The following SLC25A26 variants were observed in gnomAD, a reference collection of about 807,000 sequenced individuals.
The protein encoded by SLC25A26 is mitochondrial S-adenosylmethionine carrier protein.
In SLC25A26, 36 loss-of-function variants were observed where a neutral mutation model predicts 37.8. That is an observed-to-expected ratio of 0.95 (90% CI 0.73 to 1.26). SLC25A26 has a LOEUF of 1.26. Among genes scored for constraint, SLC25A26 ranks in the 50% most tolerant of loss-of-function variants. The pLI is 0.00. For synonymous variants in SLC25A26, 129 were observed against 122.5 expected, an observed-to-expected ratio of 1.05 and a Z score of -0.35; for missense variants, 390 against 331.1, an observed-to-expected ratio of 1.18 and a Z score of -1.38.
intron 1 of SLC25A26, 38 bp downstream of exon 1, chr3:66,221,165 C>A: frequency 6.7e-7 from 1 of 1,498,806 alleles, no homozygotes; most frequent in Non-Finnish European, 8.8e-7. Flanking sequence ...CTCAGAGTGC[C>A]GGCGTCCGGC....
intron 5 of SLC25A26, chr3:66,304,331 A>G: frequency 2.4e-6 from 1 of 420,928 alleles, no homozygotes; most frequent in Non-Finnish European, 4.7e-6. Flanking sequence ...TCTTGATTTA[A>G]AAAGATTCTG....
At chr3:66,376,144 C>T (rs915330528) in intron 9 of SLC25A26, among the ~76,000 whole-genome samples, 3 of 151,288 alleles carry the variant, frequency 2.0e-5, no homozygotes, top group Non-Finnish European at 4.4e-5. Flanking sequence ...CAAACTTGAA[C>T]GGATGAGGAG....
At chr3:66,271,122 T>C (rs988689936) in intron 5 of SLC25A26, among the ~76,000 whole-genome samples, 2 of 152,182 alleles carry the variant, frequency 1.3e-5, no homozygotes, top group Non-Finnish European at 2.9e-5. Context: ...GTTGTGACCA[T>C]AAACCATAGT....
At chr3:66,363,519 A>G (rs892177699) in intron 7 of SLC25A26, among the ~76,000 whole-genome samples, 1 of 152,242 alleles carries the variant, frequency 6.6e-6, no homozygotes, top group Admixed American at 6.5e-5. Flanking sequence ...TCACTAAGTC[A>G]TATGAATTTT....
chr3:66,164,980 C>G (rs2070406555), intron 1 of SLC25A26, among the ~76,000 whole-genome samples: 2 of 152,198 alleles, frequency 1.3e-5, no homozygotes, highest in African/African-American at 4.8e-5. Context: ...ATCCATGCCT[C>G]TAGCATTCAT....
At chr3:66,348,290 CAAG>C (rs879290808) in intron 6 of SLC25A26, among the ~76,000 whole-genome samples, 28 of 152,222 alleles carry the variant, frequency 1.8e-4, no homozygotes, top group African/African-American at 6.5e-4. Context: ...AGACCATAAT[CAAG>C]AAGAATATAG....
chr3:66,368,283 G>T (rs544438863), intron 7 of SLC25A26, among the ~76,000 whole-genome samples: 13 of 152,226 alleles, frequency 8.5e-5, no homozygotes, highest in South Asian at 6.2e-4. Flanking sequence ...TGCCTTTTAG[G>T]ATTTTTATTA....
At chr3:66,346,900 G>T (rs2076339016) in intron 6 of SLC25A26, among the ~76,000 whole-genome samples, 1 of 152,086 alleles carries the variant, frequency 6.6e-6, no homozygotes, top group Non-Finnish European at 1.5e-5. Flanking sequence ...GGGTCTTAGG[G>T]CTCTGACTGT....
upstream of SLC25A26, among the ~76,000 whole-genome samples, chr3:66,219,262 C>T (rs1042668743): frequency 3.3e-5 from 5 of 152,146 alleles, no homozygotes; most frequent in African/African-American, 1.2e-4. Flanking sequence ...TCTAAGGTGG[C>T]CCTCAAGATT....
intron 3 of SLC25A26, 109 bp downstream of exon 3, chr3:66,243,421 C>T (rs2072680674): frequency 5.2e-6 from 3 of 572,764 alleles, no homozygotes; most frequent in Admixed American, 3.2e-5. Context: ...TTATGAAAGT[C>T]ATAAATGGCA....
intron 1 of SLC25A26, among the ~76,000 whole-genome samples, chr3:66,163,883 TG>T (rs1407781179): frequency 3.3e-5 from 5 of 152,210 alleles, no homozygotes; most frequent in Non-Finnish European, 5.9e-5. Flanking sequence ...GGGGGATATT[TG>T]GAAGTCCCTG....
chr3:66,197,353 G>T (rs1193279667), intron 1 of SLC25A26, among the ~76,000 whole-genome samples: 1 of 152,216 alleles, frequency 6.6e-6, no homozygotes, highest in African/African-American at 2.4e-5. Flanking sequence ...GAGTGTCAAG[G>T]TTGGGTCATG....
intron 5 of SLC25A26, among the ~76,000 whole-genome samples, chr3:66,274,558 A>C (rs1449030690): frequency 6.6e-6 from 1 of 152,240 alleles, no homozygotes; most frequent in South Asian, 2.1e-4. Flanking sequence ...TTACAAGAAA[A>C]AAACAAACAA....
At chr3:66,339,986 T>A (rs2076172312) in intron 5 of SLC25A26, among the ~76,000 whole-genome samples, 1 of 152,094 alleles carries the variant, frequency 6.6e-6, no homozygotes, top group Admixed American at 6.5e-5. Flanking sequence ...GTTTTGTGGT[T>A]TTAGGTCTTA....
intron 5 of SLC25A26, among the ~76,000 whole-genome samples, chr3:66,336,281 A>C (rs2107698888): frequency 6.6e-6 from 1 of 152,212 alleles, no homozygotes; most frequent in East Asian, 1.9e-4. Context: ...TCTACCTTTT[A>C]TTGTTGTGTT....
chr3:66,287,101 C>T (rs2074539236), intron 5 of SLC25A26, among the ~76,000 whole-genome samples: 1 of 152,104 alleles, frequency 6.6e-6, no homozygotes, highest in African/African-American at 2.4e-5. Context: ...TTGAGACCAT[C>T]CTGGCTAACA....
intron 5 of SLC25A26, among the ~76,000 whole-genome samples, chr3:66,275,770 T>A (rs1362905334): frequency 6.6e-6 from 1 of 152,250 alleles, no homozygotes; most frequent in East Asian, 1.9e-4. Context: ...ATTTTGTCTT[T>A]TCTAGTTACA....
intron 5 of SLC25A26, among the ~76,000 whole-genome samples, chr3:66,292,129 T>C (rs1163126916): frequency 6.6e-6 from 1 of 152,178 alleles, no homozygotes; most frequent in East Asian, 1.9e-4. Flanking sequence ...AACCGCTGAT[T>C]TTTTTTGGTT....
At chr3:66,197,301 A>G (rs2071057632) in intron 1 of SLC25A26, among the ~76,000 whole-genome samples, 1 of 152,212 alleles carries the variant, frequency 6.6e-6, no homozygotes, top group African/African-American at 2.4e-5. Flanking sequence ...GTATGAGGAT[A>G]GGCATCAGGG....
Sources: allele counts gnomAD v4.1 joint callset (sites outside exome capture counted in the v4.1 genomes callset), GRCh38; gene constraint gnomAD v4.1.1; transcripts MANE v1.5; gene names NCBI Gene and HGNC (gene_info 2026-07-23, HGNC 2026-07-21).